Variants in ITPKB observed in about 807,000 individuals in gnomAD.
ITPKB encodes IP3 3-kinase B.
ITPKB carries 13 observed loss-of-function variants against 69.4 expected under a neutral mutation model. The ratio of observed to expected loss-of-function variants is 0.19; its 90% CI spans 0.12 to 0.30. ITPKB has a LOEUF of 0.30. Among genes scored for constraint, ITPKB ranks in the 10% least tolerant of loss-of-function variants. The pLI is 1.00. For synonymous variants in ITPKB, 584 were observed against 513.7 expected (o/e 1.14, Z -1.85); for missense variants, 1,240 against 1,250.5 (o/e 0.99, Z 0.13).
At chr1:226,731,994 C>A (rs1414292424) in intron 2 of ITPKB, among the ~76,000 whole-genome samples, 3 of 150,272 alleles carry the variant, frequency 2.0e-5, no homozygotes, top group Non-Finnish European at 4.4e-5. Flanking sequence ...AATTTTTACA[C>A]ACTTTTCAAA....
At chr1:226,658,211 T>C (rs1144832) in intron 2 of ITPKB, among the ~76,000 whole-genome samples, 143 of 152,366 alleles carry the variant, frequency 9.4e-4, no homozygotes, top group African/African-American at 3.4e-3. Flanking sequence ...CATTATTTCC[T>C]TCACTGGGGA....
intron 2 of ITPKB, among the ~76,000 whole-genome samples, chr1:226,651,843 C>G (rs914165224): frequency 6.6e-6 from 1 of 152,212 alleles, no homozygotes; most frequent in Non-Finnish European, 1.5e-5. Context: ...CCTCTCACAT[C>G]GCTGAGCTCT....
chr1:226,660,160 A>G lies in ITPKB; in HGVS notation c.1933-11389T>C, dbSNP rs796187798. Among the ~76,000 whole-genome samples the G allele has an allele frequency of 5.9e-5, 9 of 152,258 alleles. 1 individual carries two copies. The highest frequency in any genetic ancestry group is 2.2e-4 in the African/African-American group (9 of 41,548). ...TTTTCACTCAAGGGTTTGGAGGGCA[A>G]CCTTTCACTCAGGTTAGTCACTGTT... On this transcript the variant is annotated intron_variant, in intron 2 of 7. Transcript: ENST00000429204.
intron 2 of ITPKB, among the ~76,000 whole-genome samples, chr1:226,685,866 C>G (rs897969257): frequency 6.6e-6 from 1 of 152,200 alleles, no homozygotes; most frequent in Non-Finnish European, 1.5e-5. Flanking sequence ...AAGCGGCTGG[C>G]TGCTGGGTGC....
intron 2 of ITPKB, among the ~76,000 whole-genome samples, chr1:226,689,651 A>G (rs1267235196): frequency 2.0e-5 from 3 of 151,440 alleles, no homozygotes; most frequent in Non-Finnish European, 4.4e-5. Context: ...GTTCAGAGGT[A>G]CATGTACAGG....
intron 2 of ITPKB, among the ~76,000 whole-genome samples, chr1:226,714,348 G>A (rs894138563): frequency 2.6e-5 from 4 of 152,226 alleles, no homozygotes; most frequent in Non-Finnish European, 5.9e-5. Context: ...TGTGGCATGA[G>A]CAGAAAATAA....
At position 226,737,083 on chromosome 1, in the gene ITPKB, C is replaced by T. The variant is rs531138740; in HGVS notation, c.376G>A (p.Glu126Lys). ...AGTLSPPGPE[E>K]AKRKLRILQR... ...AAGATCCGCAGCTTCCTCTTGGCCT[C>T]CTCCGGCCCTGGCGGGGAGAGGGTA... Residue 126 changes from glutamate to lysine, a missense_variant, in exon 2 of 8, where the codon GAG becomes AAG. Coordinates refer to ENST00000429204, the MANE Select transcript of ITPKB (RefSeq NM_002221.4). 9.3e-6 allele frequency: 15 copies of T among 1,609,926 alleles called. No individual in the cohort carries two copies. The African/African-American group carries it at 1.5e-4, about 16-fold the overall frequency.
At chr1:226,711,434 AGAGAGAGAGTGT>A (rs1343162570) in intron 2 of ITPKB, among the ~76,000 whole-genome samples, 12 of 131,002 alleles carry the variant, frequency 9.2e-5, no homozygotes, top group South Asian at 2.6e-4. Context: ...AGAGAGAGAG[AGAGAGAGAGTGT>A]GTGTGTGTGT....
Position 226,634,752 on chromosome 1 carries a change from G to A in ITPKB, c.2760C>T (p.Asn920=). 7.6e-7 allele frequency: 1 copy of A among 1,315,884 alleles called. No homozygotes were observed. The allele number at this position is 1,315,884 out of a possible 1,614,324, so 81.5% of individuals were successfully genotyped here. Reference sequence around the variant, plus strand: ...GCCCCGAGAGGTAGCCATCCTCCCGGTTCCCCTCCTGCCAGGGGACGTCAT... The same window carrying A: ...GCCCCGAGAGGTAGCCATCCTCCCGATTCCCCTCCTGCCAGGGGACGTCAT... ...LQHDVPWQEG[N]REDGYLSGLN... The change falls in exon 8 of 8, where the codon AAC becomes AAT. Residue 920 remains asparagine (N), a synonymous_variant. Transcript: ENST00000429204. This position sits in a 1 kb window ranked among gnomAD's most constrained non-coding sequence, Gnocchi z 6.3.
At chr1:226,667,527 C>A (rs1252144643) in intron 2 of ITPKB, among the ~76,000 whole-genome samples, 1 of 152,192 alleles carries the variant, frequency 6.6e-6, no homozygotes, top group East Asian at 1.9e-4. Flanking sequence ...ACAACCAGGG[C>A]CAGCCCATCA....
Position 226,736,236 on chromosome 1 carries a change from G to A in ITPKB, c.1223C>T (p.Ser408Phe). ...CCTGGGCAGCCTGGACCAGCTCAGG[G>A]AATCAGAGGACTCTGCGCTTTGCAC... is the stretch of plus-strand genomic sequence containing the variant. ...VSVQSAESSD[S>F]LSWSRLPRAL... Residue 408 changes from serine to phenylalanine, a missense_variant, in exon 2 of 8, where the codon TCC (serine) becomes TTC (phenylalanine). Transcript: ENST00000429204. The A allele has an allele frequency of 6.5e-7, 1 of 1,545,182 alleles. No individual in the cohort carries two copies. Among genetic ancestry groups the A allele is most frequent in the African/African-American group, 1.4e-5 (1 of 72,714 alleles).
At chr1:226,714,037 G>T (rs1000851089) in intron 2 of ITPKB, among the ~76,000 whole-genome samples, 5 of 152,202 alleles carry the variant, frequency 3.3e-5, no homozygotes, top group Admixed American at 3.3e-4. Flanking sequence ...CTCTCAGAGA[G>T]CAGACAATGA....
Position 226,737,211 on chromosome 1 carries a change from T to C in ITPKB, c.248A>G (p.Asn83Ser). The C allele has an allele frequency of 6.3e-7, 1 of 1,578,434 alleles. No individual in the cohort carries two copies. The highest frequency in any genetic ancestry group is 8.5e-7 in the Non-Finnish European group (1 of 1,169,868). Residue 83 changes from asparagine to serine, a missense_variant, in exon 2 of 8, where the codon AAT (asparagine) becomes AGT (serine). Physicochemically the swap from Asn to Ser is conservative, Grantham distance 46. Transcript: ENST00000429204. ...GGWRSGRRRL[N>S]SSSGSGSGSS... ...GCCGCTGCCACTGCCGCTGCTACTA[T>C]TCAGCCTGCGCCGGCCGCTCCGCCA...
rs1476900816 is a variant in ITPKB at position 226,673,968 on chromosome 1, T to A, written c.1933-25197A>T. 3.9e-5 allele frequency among the ~76,000 whole-genome samples: 6 copies of A among 152,144 alleles called. No individual in the cohort carries two copies. In the East Asian group the frequency reaches 1.2e-3, roughly 29 times the overall value. On this transcript the variant is annotated intron_variant, in intron 2 of 7. Transcript: ENST00000429204. ...TTTCTTCCCCATGACTTTCATGGCATGGCTGGGGGCAGAGCTGGGAGGTTT... is the reference window on the plus strand; with the variant it reads ...TTTCTTCCCCATGACTTTCATGGCAAGGCTGGGGGCAGAGCTGGGAGGTTT...
At position 226,637,934 on chromosome 1, in the gene ITPKB, T is replaced by C. The variant is rs1668874823; in HGVS notation, c.2554-184A>G. ...TTTCTCAGCATAAATGTCAGTACCTTTGACTTTTGAAAGGACAGGGTAAGA... is the reference window on the plus strand; with the variant it reads ...TTTCTCAGCATAAATGTCAGTACCTCTGACTTTTGAAAGGACAGGGTAAGA... On this transcript the variant is annotated intron_variant, in intron 6 of 7. Coordinates refer to ENST00000429204, the MANE Select transcript of ITPKB (RefSeq NM_002221.4). This position sits in a 1 kb window ranked among gnomAD's most constrained non-coding sequence, Gnocchi z 4.3. Among the ~76,000 whole-genome samples, 1 of 152,230 alleles carries C rather than the reference T, an allele frequency of 6.6e-6. No homozygotes were observed. The highest frequency in any genetic ancestry group is 2.4e-5 in the African/African-American group (1 of 41,448).
intron 2 of ITPKB, among the ~76,000 whole-genome samples, chr1:226,664,861 G>C (rs1669467583): frequency 6.6e-6 from 1 of 152,318 alleles, no homozygotes; most frequent in East Asian, 1.9e-4. Flanking sequence ...CACAGTGTGT[G>C]GCCAGCACGA....
chr1:226,683,051 T>C (rs1656124302), intron 2 of ITPKB, among the ~76,000 whole-genome samples: 1 of 152,164 alleles, frequency 6.6e-6, no homozygotes, highest in Non-Finnish European at 1.5e-5. Flanking sequence ...CCTCCTACTT[T>C]ACACCATGAT....
chr1:226,657,959 C>T (rs1237717657), intron 2 of ITPKB, among the ~76,000 whole-genome samples: 4 of 152,316 alleles, frequency 2.6e-5, no homozygotes, highest in Admixed American at 1.3e-4. Context: ...CCCCTCCCTC[C>T]AAGTCTGTTC....
chr1:226,718,746 G>C (rs1462156692), intron 2 of ITPKB, among the ~76,000 whole-genome samples: 1 of 152,226 alleles, frequency 6.6e-6, no homozygotes, highest in Admixed American at 6.5e-5. Context: ...AGAAGCTGCA[G>C]CACTCATACA....
Sources: allele counts gnomAD v4.1 joint callset (sites outside exome capture counted in the v4.1 genomes callset), GRCh38; gene constraint gnomAD v4.1.1; non-coding constraint Gnocchi (gnomAD v3.1); transcripts MANE v1.5; gene names NCBI Gene and HGNC (gene_info 2026-07-23, HGNC 2026-07-21).